Variants in SMUG1 observed in about 807,000 individuals in gnomAD.
The protein encoded by SMUG1 is single-strand selective monofunctional uracil DNA glycosylase.
In SMUG1, 13 loss-of-function variants were observed where a neutral mutation model predicts 23.9. That is an observed-to-expected ratio of 0.54 (90% confidence interval 0.35 to 0.86). SMUG1 has a LOEUF of 0.86. Among genes scored for constraint, SMUG1 ranks in the 40% least tolerant of loss-of-function variants. SMUG1 has a pLI of 0.01. For missense variants in SMUG1, 313 were observed against 339.5 expected (o/e 0.92, Z 0.61); for synonymous variants, 133 against 139.8 (o/e 0.95, Z 0.34).
At position 54,180,472 on chromosome 12, in the gene SMUG1, G is replaced by C. The variant is rs1940903300; in HGVS notation, c.*1624C>G. On this transcript the variant is annotated 3_prime_UTR_variant, in exon 4 of 4. Transcript: ENST00000682136. ...GAAATGACCTGTGTCCCAGGAGATA[G>C]GAAGTAGACCATGTGTTCCTCATTA... The C allele has an allele frequency of 6.6e-6, 1 of 152,190 alleles. No individual in the cohort carries two copies. Among genetic ancestry groups the C allele is most frequent in the African/African-American group, 2.4e-5 (1 of 41,446 alleles). 9.4% of individuals were successfully genotyped at this position (152,190 alleles called of 1,614,324 possible).
chr12:54,186,549 T>C (rs1195670837), intron 2 of SMUG1, among the ~76,000 whole-genome samples: 1 of 151,884 alleles, frequency 6.6e-6, no homozygotes, highest in East Asian at 1.9e-4. Context: ...ACCATGTTGG[T>C]CAGGCTGGTC....
In SMUG1 at chr12:54,182,306, C is replaced by T; in HGVS notation, c.603G>A (p.Gln201=). Residue 201 remains glutamine, a synonymous_variant, in exon 4 of 4, where the codon CAG becomes CAA. Transcript: ENST00000682136. ...CCAGCCGCACCCCCAGCAGCTGCACCTGCCGGCAGAGGGCTGCATCACAGA... is the reference window on the plus strand; with the variant it reads ...CCAGCCGCACCCCCAGCAGCTGCACTTGCCGGCAGAGGGCTGCATCACAGA... The part of the protein sequence containing the change: ...LGICDAALCR[Q]VQLLGVRLVV... 1 of 1,613,574 alleles carries T rather than the reference C, an allele frequency of 6.2e-7. No individual in the cohort carries two copies. The highest frequency in any genetic ancestry group is 8.5e-7 in the Non-Finnish European group (1 of 1,179,672).
intron 2 of SMUG1, among the ~76,000 whole-genome samples, chr12:54,185,527 A>T (rs1014890337): frequency 7.5e-6 from 1 of 133,538 alleles, no homozygotes; most frequent in African/African-American, 2.7e-5. Context: ...TAAATAAATA[A>T]ATTTGCCGGG....
At chr12:54,184,934 C>G (rs542982686) in intron 2 of SMUG1, among the ~76,000 whole-genome samples, 1 of 152,200 alleles carries the variant, frequency 6.6e-6, no homozygotes, top group South Asian at 2.1e-4. Context: ...GAGGCCAAGG[C>G]GGCTGAATCA....
At chr12:54,166,473 A>G (rs2136534953) in intron 3 of SMUG1, among the ~76,000 whole-genome samples, 1 of 152,266 alleles carries the variant, frequency 6.6e-6, no homozygotes, top group South Asian at 2.1e-4. Flanking sequence ...ACTGAGTCTG[A>G]GATGTCAGTG....
chr12:54,167,614 A>G (rs1394316406), intron 3 of SMUG1, among the ~76,000 whole-genome samples: 1 of 152,072 alleles, frequency 6.6e-6, no homozygotes, highest in Non-Finnish European at 1.5e-5. Context: ...CTGCATTCAC[A>G]CCAAAGTACT....
At chr12:54,183,488 G>A in intron 3 of SMUG1, 168 bp downstream of exon 3, 1 of 668,288 alleles carries the variant, frequency 1.5e-6, no homozygotes, top group South Asian at 1.9e-5. Context: ...CAGAGACGCT[G>A]GGAGAGGGCC....
At chr12:54,166,638 T>A (rs1940473313) in intron 3 of SMUG1, among the ~76,000 whole-genome samples, 1 of 152,150 alleles carries the variant, frequency 6.6e-6, no homozygotes, top group African/African-American at 2.4e-5. Context: ...AGCATGAGGA[T>A]CATCAGGCAC....
At chr12:54,173,519 G>T (rs1050201546) in intron 2 of SMUG1, among the ~76,000 whole-genome samples, 1 of 152,208 alleles carries the variant, frequency 6.6e-6, no homozygotes, top group Non-Finnish European at 1.5e-5. Context: ...GGAAATTACC[G>T]CCAGAATCGC....
intron 4 of SMUG1, among the ~76,000 whole-genome samples, chr12:54,159,249 T>G (rs1940152975): frequency 6.6e-6 from 1 of 152,010 alleles, no homozygotes; most frequent in South Asian, 2.1e-4. Context: ...AGGAGGTAAT[T>G]AGGAGCTGTG....
At chr12:54,159,853 G>C (rs1028458067), downstream of SMUG1, among the ~76,000 whole-genome samples, 3 of 152,230 alleles carry the variant, frequency 2.0e-5, no homozygotes, top group East Asian at 5.8e-4. Flanking sequence ...CAGCCAGGGC[G>C]CAGCCTGGGA....
At chr12:54,164,294 G>C (rs1019697462), downstream of SMUG1, 1 of 152,330 alleles carries the variant, frequency 6.6e-6, no homozygotes, top group East Asian at 1.9e-4. Flanking sequence ...TAAATGAGCA[G>C]AGCCTCAGAG....
At position 54,183,934 on chromosome 12, in the gene SMUG1, G is replaced by T; in HGVS notation, c.7C>A (p.Gln3Lys). Residue 3 changes from glutamine (Q) to lysine (K), a missense_variant, in exon 3 of 4, where the codon CAG becomes AAG. By Grantham distance (53) the Gln-to-Lys change is moderately conservative. Transcript: ENST00000682136. MP[Q>K]AFLLGSIHEP... ...TGGATGGACCCCAGCAGGAAAGCCTGGGGCATATGTCCATGCCGCTGTCAC... is the reference window on the plus strand; with the variant it reads ...TGGATGGACCCCAGCAGGAAAGCCTTGGGCATATGTCCATGCCGCTGTCAC... 6.4e-7 allele frequency: 1 copy of T among 1,559,898 alleles called. No individual in the cohort carries two copies. The highest frequency in any genetic ancestry group is 2.3e-5 in the East Asian group (1 of 43,834).
chr12:54,183,640 A>T lies in SMUG1; in HGVS notation c.285+16T>A, dbSNP rs531659544. On this transcript the variant is annotated intron_variant, in intron 3 of 3. Coordinates refer to ENST00000682136, the MANE Select transcript of SMUG1 (RefSeq NM_001243787.2). ...GAACCCCCCACTCCACCCACTGGGGAAGCCAAACCCTTTACCCCAGTCTGG... is the reference window on the plus strand; with the variant it reads ...GAACCCCCCACTCCACCCACTGGGGTAGCCAAACCCTTTACCCCAGTCTGG... 6.2e-7 allele frequency: 1 copy of T among 1,613,316 alleles called. No homozygotes were observed. Among genetic ancestry groups the T allele is most frequent in the East Asian group, 2.2e-5 (1 of 44,830 alleles).
At position 54,183,650 on chromosome 12, in the gene SMUG1, C is replaced by A. The variant is rs2136684319; in HGVS notation, c.285+6G>T. Reference sequence around the variant, plus strand: ...CTCCACCCACTGGGGAAGCCAAACCCTTTACCCCAGTCTGGGCCATGCCAA... The same window carrying A: ...CTCCACCCACTGGGGAAGCCAAACCATTTACCCCAGTCTGGGCCATGCCAA... On this transcript the variant is annotated splice_donor_region_variant and intron_variant, in intron 3 of 3. Transcript: ENST00000682136. The A allele has an allele frequency of 6.2e-7, 1 of 1,613,974 alleles. No homozygotes were observed. The highest frequency in any genetic ancestry group is 2.2e-5 in the East Asian group (1 of 44,878).
Position 54,182,213 on chromosome 12 carries a change from G to A in SMUG1, c.696C>T (p.Val232=). 1.2e-6 allele frequency: 2 copies of A among 1,612,132 alleles called. No homozygotes were observed. Among genetic ancestry groups the A allele is most frequent in the Non-Finnish European group, 1.7e-6 (2 of 1,178,696 alleles). Residue 232 remains valine, a synonymous_variant, in exon 4 of 4, where the codon GTC becomes GTT. Coordinates refer to ENST00000682136, the MANE Select transcript of SMUG1 (RefSeq NM_001243787.2). ...AGGGATGCAGGAGCCCTTCCACCTG[G>A]ACCTCTGGCATCAGGCCTGCCAGAG... ...RRALAGLMPE[V]QVEGLLHPSP...
intron 3 of SMUG1, among the ~76,000 whole-genome samples, chr12:54,167,419 C>A (rs1940504339): frequency 6.6e-6 from 1 of 152,114 alleles, no homozygotes; most frequent in Non-Finnish European, 1.5e-5. Flanking sequence ...ACCCAGGGAC[C>A]ACTCTTTCAA....
chr12:54,177,656 G>GAA (rs368744648), downstream of SMUG1, among the ~76,000 whole-genome samples: 1 of 140,212 alleles, frequency 7.1e-6, no homozygotes, highest in African/African-American at 2.6e-5. Flanking sequence ...ACCACTCAGA[G>GAA]AAAAAAAAAA....
Position 54,181,596 on chromosome 12 carries a change from C to G in SMUG1, c.*500G>C, listed in dbSNP as rs1345651881. On this transcript the variant is annotated 3_prime_UTR_variant, in exon 4 of 4. Coordinates refer to ENST00000682136, the MANE Select transcript of SMUG1 (RefSeq NM_001243787.2). ...ATTTTTCCTCTGATCCAGCTGCAGC[C>G]TCCCATAAGAAGTTCACTCTTAATT... The G allele has an allele frequency of 1.3e-6, 2 of 1,576,582 alleles. No homozygotes were observed. Among genetic ancestry groups the G allele is most frequent in the Non-Finnish European group, 1.7e-6 (2 of 1,168,564 alleles).
Sources: allele counts gnomAD v4.1 joint callset (sites outside exome capture counted in the v4.1 genomes callset), GRCh38; gene constraint gnomAD v4.1.1; transcripts MANE v1.5; gene names NCBI Gene and HGNC (gene_info 2026-07-23, HGNC 2026-07-21).